SHISA9: variants seen among roughly 807,000 people sequenced by gnomAD.
SHISA9 encodes the protein shisa family member 9, also known as protein shisa-9.
SHISA9 carries 13 observed loss-of-function variants against 38.0 expected under a neutral mutation model. That is an observed-to-expected ratio of 0.34 (90% confidence interval 0.22 to 0.54). The LOEUF (loss-of-function observed/expected upper bound fraction) is 0.54. Among genes scored for constraint, SHISA9 ranks in the 20% least tolerant of loss-of-function variants. The pLI is 0.91. For missense variants in SHISA9, 538 were observed against 575.8 expected (o/e 0.93, Z 0.67); for synonymous variants, 275 against 242.0 (o/e 1.14, Z -1.27).
the SHISA9 span, among the ~76,000 whole-genome samples, chr16:13,560,929 T>A: frequency 2.0e-5 from 3 of 152,284 alleles, no homozygotes; most frequent in Admixed American, 2.0e-4. Flanking sequence ...AGTGGCACAA[T>A]CTCGGCTCAC....
intron 2 of SHISA9, among the ~76,000 whole-genome samples, chr16:13,149,464 G>A (rs1487721887): frequency 6.6e-6 from 1 of 152,158 alleles, no homozygotes. Context: ...CAGGTTGGGG[G>A]TAGTATAGCG....
At chr16:13,181,943 G>T (rs1596708675) in intron 2 of SHISA9, among the ~76,000 whole-genome samples, 1 of 152,142 alleles carries the variant, frequency 6.6e-6, no homozygotes, top group African/African-American at 2.4e-5. Flanking sequence ...TTCAACAAAG[G>T]TTTTGTTCCA....
At chr16:13,089,043 C>G (rs1039906690) in intron 2 of SHISA9, among the ~76,000 whole-genome samples, 3 of 152,028 alleles carry the variant, frequency 2.0e-5, no homozygotes, top group Non-Finnish European at 4.4e-5. Context: ...TGTTGAAGGC[C>G]TTTTCTGCAT....
intron 2 of SHISA9, among the ~76,000 whole-genome samples, chr16:12,951,471 A>G (rs2071756445): frequency 1.3e-5 from 2 of 152,144 alleles, no homozygotes; most frequent in Non-Finnish European, 2.9e-5. Flanking sequence ...CACATAAAAT[A>G]TATACAAATA....
intron 2 of SHISA9, among the ~76,000 whole-genome samples, chr16:12,997,566 C>G (rs1007614030): frequency 6.6e-6 from 1 of 151,906 alleles, no homozygotes; most frequent in East Asian, 1.9e-4. Context: ...ACCATCAAAC[C>G]TGGCTAATTT....
At chr16:13,304,592 A>G in the SHISA9 span, among the ~76,000 whole-genome samples, 5 of 152,176 alleles carry the variant, frequency 3.3e-5, no homozygotes, top group Non-Finnish European at 5.9e-5. Context: ...GCCTCCTTGG[A>G]CAAAATGACA....
the SHISA9 span, among the ~76,000 whole-genome samples, chr16:13,431,819 G>T: frequency 6.6e-6 from 1 of 152,166 alleles, no homozygotes; most frequent in African/African-American, 2.4e-5. Context: ...CCAGAACTTT[G>T]GGAGGCTGAG....
At chr16:13,550,812 C>A in the SHISA9 span, among the ~76,000 whole-genome samples, 1 of 152,186 alleles carries the variant, frequency 6.6e-6, no homozygotes, top group Admixed American at 6.5e-5. Flanking sequence ...GTGGGAAGAA[C>A]ACATTCTTCT....
chr16:12,989,071 T>G (rs2072350393), intron 2 of SHISA9, among the ~76,000 whole-genome samples: 1 of 152,172 alleles, frequency 6.6e-6, no homozygotes, highest in Non-Finnish European at 1.5e-5. Flanking sequence ...TTGCTGAAAC[T>G]TAAAGTGAGG....
At chr16:13,180,739 G>C (rs1416377969) in intron 2 of SHISA9, among the ~76,000 whole-genome samples, 7 of 152,114 alleles carry the variant, frequency 4.6e-5, no homozygotes, top group Non-Finnish European at 8.8e-5. Flanking sequence ...AGATCAATTT[G>C]TGGAACTGAA....
intron 1 of SHISA9, chr16:12,909,326 C>T (rs1004639088): frequency 1.1e-5 from 11 of 985,332 alleles, no homozygotes; most frequent in South Asian, 4.7e-5. Context: ...AAAGCTCACT[C>T]ATGCCCATTG....
chr16:13,451,060 C>G, the SHISA9 span, among the ~76,000 whole-genome samples: 9 of 152,218 alleles, frequency 5.9e-5, no homozygotes, highest in Non-Finnish European at 1.2e-4. Context: ...CCTGGACATG[C>G]CAGAGTGAAC....
chr16:12,969,384 C>T (rs1371127793), intron 2 of SHISA9, among the ~76,000 whole-genome samples: 3 of 147,974 alleles, frequency 2.0e-5, no homozygotes, highest in South Asian at 4.2e-4. Flanking sequence ...GCTGATTATG[C>T]TATAGTGCTC....
At chr16:12,903,368 C>T (rs781038678) in intron 1 of SHISA9, among the ~76,000 whole-genome samples, 1 of 152,220 alleles carries the variant, frequency 6.6e-6, no homozygotes, top group Non-Finnish European at 1.5e-5. Flanking sequence ...CCCGAGCCCC[C>T]TCCTCGCGCG....
At chr16:13,524,162 T>A in the SHISA9 span, among the ~76,000 whole-genome samples, 1 of 152,132 alleles carries the variant, frequency 6.6e-6, no homozygotes, top group Non-Finnish European at 1.5e-5. Context: ...AAAGGTGGAA[T>A]CTTAGCATCC....
At chr16:13,179,194 C>T (rs1465760449) in intron 2 of SHISA9, among the ~76,000 whole-genome samples, 1 of 152,190 alleles carries the variant, frequency 6.6e-6, no homozygotes, top group African/African-American at 2.4e-5. Flanking sequence ...TGGCAGGTGC[C>T]TGTAATCCCA....
the SHISA9 span, among the ~76,000 whole-genome samples, chr16:13,298,187 T>C: frequency 6.6e-6 from 1 of 152,182 alleles, no homozygotes; most frequent in African/African-American, 2.4e-5. Flanking sequence ...CCCTTCATTA[T>C]AGAAACTCAT....
intron 2 of SHISA9, among the ~76,000 whole-genome samples, chr16:13,045,931 A>T (rs777783489): frequency 9.9e-5 from 15 of 152,228 alleles, no homozygotes; most frequent in Non-Finnish European, 2.2e-4. Flanking sequence ...GAGTCTGCAG[A>T]GCATGGATTT....
At chr16:13,115,365 A>T (rs2074021838) in intron 2 of SHISA9, among the ~76,000 whole-genome samples, 1 of 152,240 alleles carries the variant, frequency 6.6e-6, no homozygotes, top group Non-Finnish European at 1.5e-5. Context: ...ACCAGTCATT[A>T]TCATTGTTTC....
Sources: allele counts gnomAD v4.1 joint callset (sites outside exome capture counted in the v4.1 genomes callset), GRCh38; gene constraint gnomAD v4.1.1; transcripts MANE v1.5; gene names NCBI Gene and HGNC (gene_info 2026-07-23, HGNC 2026-07-21).